Variants in PTPN5 observed in about 807,000 individuals in gnomAD.
PTPN5 encodes protein tyrosine phosphatase non-receptor type 5, also known as tyrosine-protein phosphatase non-receptor type 5.
PTPN5 carries 29 observed loss-of-function variants against 73.9 expected under a neutral mutation model. The ratio of observed to expected loss-of-function variants is 0.39; its 90% CI spans 0.29 to 0.54. PTPN5 has a LOEUF of 0.54. PTPN5 is among the 20% of genes least tolerant of loss of function. The pLI is 0.65. For synonymous variants in PTPN5, 267 were observed against 304.7 expected, an observed-to-expected ratio of 0.88 and a Z score of 1.29; for missense variants, 652 against 751.4, an observed-to-expected ratio of 0.87 and a Z score of 1.55.
chr11:18,770,113 T>C (rs984639247), intron 2 of PTPN5, among the ~76,000 whole-genome samples: 82 of 152,356 alleles, frequency 5.4e-4, no homozygotes, highest in Non-Finnish European at 9.7e-4. Context: ...CGATCTGGTC[T>C]GAAACTACTC....
intron 1 of PTPN5, among the ~76,000 whole-genome samples, chr11:18,778,333 G>A (rs1244389591): frequency 6.6e-6 from 1 of 152,218 alleles, no homozygotes; most frequent in African/African-American, 2.4e-5. Context: ...CTTGGACACT[G>A]ACCCAACCCC....
intron 3 of PTPN5, among the ~76,000 whole-genome samples, chr11:18,747,621 C>T (rs1016021954): frequency 3.3e-5 from 5 of 152,140 alleles, no homozygotes; most frequent in Non-Finnish European, 7.3e-5. Flanking sequence ...GATACATGCA[C>T]CCCAGTCTGA....
intron 2 of PTPN5, among the ~76,000 whole-genome samples, chr11:18,770,752 G>A (rs528455047): frequency 6.6e-6 from 1 of 152,300 alleles, no homozygotes; most frequent in East Asian, 1.9e-4. Flanking sequence ...TCCTCTGCTC[G>A]TTCGTATGTG....
Position 18,732,613 on chromosome 11 carries a change from C to G in PTPN5, c.1308G>C (p.Arg436=). The change falls in exon 12 of 15, where the codon CGG becomes CGC. Residue 436 remains arginine, a synonymous_variant. Coordinates refer to ENST00000358540, the MANE Select transcript of PTPN5 (RefSeq NM_006906.2). ...VQKVIHTEDY[R]LRLISLKSGT... Reference sequence around the variant, plus strand: ...TCACCTTGAGGGAGATGAGTCGCAGCCGGTAATCCTCCGTGTGAATGACTT... The same window carrying G: ...TCACCTTGAGGGAGATGAGTCGCAGGCGGTAATCCTCCGTGTGAATGACTT... The G allele has an allele frequency of 1.2e-6, 2 of 1,613,878 alleles. No individual in the cohort carries two copies. Among genetic ancestry groups the G allele is most frequent in the African/African-American group, 2.7e-5 (2 of 75,048 alleles).
At chr11:18,758,465 G>A (rs1418234657) in intron 3 of PTPN5, among the ~76,000 whole-genome samples, 1 of 152,192 alleles carries the variant, frequency 6.6e-6, no homozygotes, top group Admixed American at 6.5e-5. Context: ...AGCACAGAAT[G>A]AGGTGTGTTC....
chr11:18,780,278 G>A (rs1851358192), intron 1 of PTPN5, among the ~76,000 whole-genome samples: 1 of 152,152 alleles, frequency 6.6e-6, no homozygotes, highest in Non-Finnish European at 1.5e-5. Context: ...CAGACCCAGA[G>A]CCCTAGGAAA....
Position 18,728,252 on chromosome 11 carries a change from A to G in PTPN5, c.*682T>C, listed in dbSNP as rs981560740. 1.3e-5 allele frequency: 2 copies of G among 152,112 alleles called. No homozygotes were observed. The highest frequency in any genetic ancestry group is 2.9e-5 in the Non-Finnish European group (2 of 68,022). 9.4% of individuals were successfully genotyped at this position (152,112 alleles called of 1,614,324 possible). A position where few individuals can be genotyped will look rare whatever the true frequency, so the allele number is the denominator to read the frequency against. ...ACCTTGAGCTCCCCTCCCCTCCCCA[A>G]CAGGGCCTAGATCCTCTGGGTTCTC... On this transcript the variant is annotated 3_prime_UTR_variant, in exon 15 of 15. Coordinates refer to ENST00000358540, the MANE Select transcript of PTPN5 (RefSeq NM_006906.2). This position sits in a 1 kb window ranked among gnomAD's most constrained non-coding sequence, Gnocchi z 4.1.
Position 18,733,628 on chromosome 11 carries a change from G to A in PTPN5, c.1008C>T (p.His336=), listed in dbSNP as rs141605107. ...NRYKTILPNP[H]SRVCLTSPDP... The stretch of plus-strand genomic sequence containing the variant: ...CTGGTGAGGTCAGACACACTCTGCT[G>A]TGAGGGTCTGGGGTGGTGGGAGACA... The change falls in exon 10 of 15, where the codon CAC becomes CAT. Residue 336 remains histidine (H), a synonymous_variant. Transcript: ENST00000358540. The surrounding 1 kb of genome is among the most constrained non-coding windows in gnomAD (Gnocchi z 4.3). The A allele has an allele frequency of 3.1e-6, 5 of 1,614,216 alleles. No individual in the cohort carries two copies. Among genetic ancestry groups the A allele is most frequent in the Non-Finnish European group, 4.2e-6 (5 of 1,180,028 alleles).
At chr11:18,762,128 A>G (rs531480836) in intron 3 of PTPN5, among the ~76,000 whole-genome samples, 1 of 152,252 alleles carries the variant, frequency 6.6e-6, no homozygotes, top group South Asian at 2.1e-4. Flanking sequence ...GTTTCCACCA[A>G]GAAAGCTCTG....
At position 18,733,196 on chromosome 11, in the gene PTPN5, A is replaced by T; in HGVS notation, c.1218+39T>A. 1 of 1,596,586 alleles carries T rather than the reference A, an allele frequency of 6.3e-7. No homozygotes were observed. On this transcript the variant is annotated intron_variant, in intron 11 of 14. Transcript: ENST00000358540. The surrounding 1 kb of genome is among the most constrained non-coding windows in gnomAD (Gnocchi z 4.3). ...GAACAAGATACTTAGTGTAGGGCGC[A>T]ATGTAGCAGACACTTAGAATGGGGA...
At chr11:18,747,549 C>CT (rs1849697610) in intron 3 of PTPN5, among the ~76,000 whole-genome samples, 1 of 152,222 alleles carries the variant, frequency 6.6e-6, no homozygotes, top group South Asian at 2.1e-4. Flanking sequence ...TCCTAAAGCT[C>CT]TGAATCACAA....
chr11:18,733,489 T>A lies in PTPN5; in HGVS notation c.1080+67A>T. On this transcript the variant is annotated intron_variant, in intron 10 of 14. Coordinates refer to ENST00000358540, the MANE Select transcript of PTPN5 (RefSeq NM_006906.2). The surrounding 1 kb of genome is among the most constrained non-coding windows in gnomAD (Gnocchi z 4.3). ...AGCCAGACTGGTGTAGGGACAAGGCTGGAGGATGGATCCCATCGACTCAGG... is the reference window on the plus strand; with the variant it reads ...AGCCAGACTGGTGTAGGGACAAGGCAGGAGGATGGATCCCATCGACTCAGG... 1.2e-6 allele frequency: 2 copies of A among 1,612,688 alleles called. No individual in the cohort carries two copies. The highest frequency in any genetic ancestry group is 4.5e-5 in the East Asian group (2 of 44,866).
intron 3 of PTPN5, among the ~76,000 whole-genome samples, chr11:18,757,114 G>T (rs567111827): frequency 5.3e-4 from 80 of 152,138 alleles, no homozygotes; most frequent in African/African-American, 1.9e-3. Context: ...TCACATCCAG[G>T]GCTTCTGAAT....
intron 1 of PTPN5, among the ~76,000 whole-genome samples, chr11:18,777,959 A>AAAGG (rs889901724): frequency 1.1e-4 from 15 of 141,324 alleles, no homozygotes; most frequent in Middle Eastern, 3.5e-3. Context: ...AGAAAGGAAG[A>AAAGG]AAGGAAGGAA....
At chr11:18,738,181 T>A (rs975820012) in intron 8 of PTPN5, among the ~76,000 whole-genome samples, 2 of 152,222 alleles carry the variant, frequency 1.3e-5, no homozygotes, top group African/African-American at 4.8e-5. Context: ...TGACTATTGT[T>A]TATGGAGAGC....
At chr11:18,788,217 C>T (rs1851757073) in intron 1 of PTPN5, among the ~76,000 whole-genome samples, 1 of 152,196 alleles carries the variant, frequency 6.6e-6, no homozygotes, top group South Asian at 2.1e-4. Context: ...TTATCTCTCA[C>T]CTAAACCATT....
At chr11:18,755,952 C>T (rs1270300401) in intron 3 of PTPN5, among the ~76,000 whole-genome samples, 2 of 142,102 alleles carry the variant, frequency 1.4e-5, no homozygotes, top group African/African-American at 2.6e-5. Flanking sequence ...TGCAGTGAGC[C>T]GAGATCGTGC....
At position 18,730,001 on chromosome 11, in the gene PTPN5, T is replaced by C. The variant is rs1345454184; in HGVS notation, c.1330-183A>G. The C allele has an allele frequency of 2.3e-5, 18 of 774,022 alleles. No individual in the cohort carries two copies. In the East Asian group the frequency reaches 4.9e-4, roughly 21 times the overall value. 47.9% of individuals were successfully genotyped at this position (774,022 alleles called of 1,614,324 possible). A position where few individuals can be genotyped will look rare whatever the true frequency, so the allele number is the denominator to read the frequency against. ...CACCAGACACAGACCCAAAGCCAGC[T>C]TGGTTTTGGGGGTTGGTCAGCAGCG... On this transcript the variant is annotated intron_variant, in intron 12 of 14. Transcript: ENST00000358540.
intron 3 of PTPN5, among the ~76,000 whole-genome samples, chr11:18,764,524 A>C (rs1850544735): frequency 6.6e-6 from 1 of 152,216 alleles, no homozygotes; most frequent in African/African-American, 2.4e-5. Flanking sequence ...GTGTGGTGTG[A>C]ATAAAATACC....
Sources: allele counts gnomAD v4.1 joint callset (sites outside exome capture counted in the v4.1 genomes callset), GRCh38; gene constraint gnomAD v4.1.1; non-coding constraint Gnocchi (gnomAD v3.1); transcripts MANE v1.5; gene names NCBI Gene and HGNC (gene_info 2026-07-23, HGNC 2026-07-21).